ROBO2: variants seen among roughly 807,000 people sequenced by gnomAD.
The protein encoded by ROBO2 is roundabout homolog 2.
Under a neutral mutation model 160.8 loss-of-function variants are expected in ROBO2, and 53 were observed. That is an observed-to-expected ratio of 0.33 (90% CI 0.26 to 0.41). The LOEUF is 0.41. Ranked by LOEUF, ROBO2 falls within the 10% of genes least tolerant of loss-of-function variation. ROBO2 has a pLI of 1.00. For synonymous variants in ROBO2, 664 were observed against 611.7 expected, an observed-to-expected ratio of 1.09 and a Z score of -1.26; for missense variants, 1,577 against 1,722.4, an observed-to-expected ratio of 0.92 and a Z score of 1.49.
chr3:77,167,896 G>A lies in ROBO2; in HGVS notation c.388+69556G>A, dbSNP rs531425189. ...AAAGGGGACATGATGTTTCTCTGCCGCATTAACTTTGTTGTTTCCTGTAAA... is the reference window on the plus strand; with the variant it reads ...AAAGGGGACATGATGTTTCTCTGCCACATTAACTTTGTTGTTTCCTGTAAA... On this transcript the variant is annotated intron_variant, in intron 2 of 25. Coordinates refer to ENST00000461745, the Ensembl canonical transcript of ROBO2. Among the ~76,000 whole-genome samples the A allele has an allele frequency of 5.9e-4, 89 of 151,900 alleles. 1 individual carries two copies. The highest frequency in any genetic ancestry group is 2.0e-3 in the African/African-American group (81 of 41,298).
intron 2 of ROBO2, among the ~76,000 whole-genome samples, chr3:76,371,438 C>A (rs2076094577): frequency 6.6e-6 from 1 of 151,500 alleles, no homozygotes; most frequent in Admixed American, 6.6e-5. Context: ...AGATTAGCTG[C>A]ATATCAAATG....
At chr3:76,669,796 A>G (rs539971022) in intron 2 of ROBO2, among the ~76,000 whole-genome samples, 1 of 152,194 alleles carries the variant, frequency 6.6e-6, no homozygotes, top group Non-Finnish European at 1.5e-5. Flanking sequence ...ATATTTATTA[A>G]TTTAATTAAA....
chr3:76,789,234 C>G (rs2063189002), intron 2 of ROBO2, among the ~76,000 whole-genome samples: 1 of 151,456 alleles, frequency 6.6e-6, no homozygotes, highest in South Asian at 2.1e-4. Flanking sequence ...CTCATGTCCT[C>G]TATTGTCTAT....
At chr3:76,654,921 ATATATATT>A (rs1258135412) in intron 2 of ROBO2, among the ~76,000 whole-genome samples, 4 of 147,028 alleles carry the variant, frequency 2.7e-5, no homozygotes, top group East Asian at 2.0e-4. Flanking sequence ...GTGTATATAT[ATATATATT>A]TATATATATA....
At chr3:77,475,177 G>A (rs917274656) in intron 2 of ROBO2, among the ~76,000 whole-genome samples, 1 of 152,032 alleles carries the variant, frequency 6.6e-6, no homozygotes, top group African/African-American at 2.4e-5. Context: ...AAACCCCAAA[G>A]AGCACATTAC....
At chr3:77,250,511 A>G (rs1488584655) in intron 2 of ROBO2, among the ~76,000 whole-genome samples, 1 of 152,186 alleles carries the variant, frequency 6.6e-6, no homozygotes, top group Non-Finnish European at 1.5e-5. Flanking sequence ...TGTGTGTGCC[A>G]TGACTGAGTT....
intron 7 of ROBO2, among the ~76,000 whole-genome samples, chr3:77,548,359 T>C (rs776176208): frequency 1.7e-4 from 26 of 152,080 alleles, no homozygotes; most frequent in Non-Finnish European, 3.5e-4. Flanking sequence ...CAAAATGTTA[T>C]GTCACTGGTA....
At chr3:76,470,523 G>A (rs1018311452) in intron 2 of ROBO2, among the ~76,000 whole-genome samples, 3 of 152,008 alleles carry the variant, frequency 2.0e-5, no homozygotes, top group Non-Finnish European at 2.9e-5. Flanking sequence ...CCCTATTGTG[G>A]CCTCTCTACG....
rs888483065 is a variant in ROBO2, at chr3:77,573,739, T to TA, written c.1972-759dup. Among the ~76,000 whole-genome samples, 5 of 152,180 alleles carry TA rather than the reference T, an allele frequency of 3.3e-5. No individual in the cohort carries two copies. The South Asian group carries it at 1.0e-3, about 32-fold the overall frequency. On this transcript the variant is annotated intron_variant, in intron 13 of 25. Coordinates refer to ENST00000461745, the Ensembl canonical transcript of ROBO2. Reference sequence around the variant, plus strand: ...TGCTCTTCTTGCCTATCTAAGCACTTACGAATTCTTCAGGGATGCTTTGCC... The same window carrying TA: ...TGCTCTTCTTGCCTATCTAAGCACTTAACGAATTCTTCAGGGATGCTTTGCC...
At chr3:76,074,055 G>A (rs867778584) in intron 2 of ROBO2, among the ~76,000 whole-genome samples, 5 of 152,192 alleles carry the variant, frequency 3.3e-5, no homozygotes, top group South Asian at 2.1e-4. Context: ...CCAGGTCCAT[G>A]AAGGTCATTT....
At chr3:77,526,849 T>C (rs1028442394) in intron 6 of ROBO2, among the ~76,000 whole-genome samples, 1 of 151,478 alleles carries the variant, frequency 6.6e-6, no homozygotes, top group African/African-American at 2.4e-5. Flanking sequence ...TCTAAGGATG[T>C]TCCAACCTAT....
intron 2 of ROBO2, among the ~76,000 whole-genome samples, chr3:76,181,308 GATTA>G (rs1045808859): frequency 2.0e-5 from 3 of 151,996 alleles, no homozygotes; most frequent in African/African-American, 7.2e-5. Context: ...GTTAATGTTG[GATTA>G]ATTTTTTATT....
chr3:76,088,461 T>C (rs1485866551), intron 2 of ROBO2, among the ~76,000 whole-genome samples: 1 of 151,924 alleles, frequency 6.6e-6, no homozygotes, highest in African/African-American at 2.4e-5. Flanking sequence ...ATAGATTACA[T>C]CTGAACAATA....
chr3:76,667,693 GCAGTGATCAGACTTTTT>G (rs1247590359), intron 2 of ROBO2, among the ~76,000 whole-genome samples: 1 of 151,480 alleles, frequency 6.6e-6, no homozygotes, highest in South Asian at 2.1e-4. Context: ...GCTATTTTTA[GCAGTGATCAGACTTTTT>G]GGCTCATAAG....
At chr3:76,093,986 C>T (rs1391567231) in intron 2 of ROBO2, among the ~76,000 whole-genome samples, 1 of 152,124 alleles carries the variant, frequency 6.6e-6, no homozygotes, top group African/African-American at 2.4e-5. Context: ...TTTTCCCTCT[C>T]AGATTTGTGA....
At chr3:76,589,182 A>G (rs1414297074) in intron 2 of ROBO2, among the ~76,000 whole-genome samples, 5 of 152,248 alleles carry the variant, frequency 3.3e-5, no homozygotes, top group Non-Finnish European at 7.3e-5. Flanking sequence ...AATCTTTCAC[A>G]ATATATATGG....
intron 2 of ROBO2, among the ~76,000 whole-genome samples, chr3:77,212,533 T>G (rs1434727722): frequency 2.0e-5 from 3 of 152,208 alleles, no homozygotes; most frequent in Non-Finnish European, 4.4e-5. Flanking sequence ...AGGGACAATT[T>G]GATTTCCTCT....
At chr3:76,602,098 C>A (rs1328081208) in intron 2 of ROBO2, among the ~76,000 whole-genome samples, 2 of 152,194 alleles carry the variant, frequency 1.3e-5, no homozygotes, top group Non-Finnish European at 2.9e-5. Flanking sequence ...GGTTCCTCAT[C>A]TCCATCTGAG....
intron 2 of ROBO2, among the ~76,000 whole-genome samples, chr3:76,172,955 G>T (rs917096127): frequency 6.6e-6 from 1 of 151,882 alleles, no homozygotes; most frequent in Non-Finnish European, 1.5e-5. Context: ...TTCAAGCAAA[G>T]GTAGGATGAC....
Sources: allele counts gnomAD v4.1 joint callset (sites outside exome capture counted in the v4.1 genomes callset), GRCh38; gene constraint gnomAD v4.1.1; transcripts MANE v1.5; gene names NCBI Gene and HGNC (gene_info 2026-07-23, HGNC 2026-07-21).